Variants in VPS72 observed in about 807,000 individuals in gnomAD.
VPS72 encodes vacuolar protein sorting-associated protein 72 homolog.
In VPS72, 27 loss-of-function variants were observed where a neutral mutation model predicts 38.9. The observed-to-expected ratio is 0.69, with a 90% CI of 0.51 to 0.96. VPS72 has a LOEUF of 0.96. Ranked by LOEUF, VPS72 falls within the 40% of genes least tolerant of loss-of-function variation. The probability of loss-of-function intolerance (pLI) is 0.00; values close to 1 mark genes in which losing one functional copy is unlikely to be tolerated. For synonymous variants in VPS72, 173 were observed against 186.3 expected, an observed-to-expected ratio of 0.93 and a Z score of 0.58; for missense variants, 360 against 479.5, an observed-to-expected ratio of 0.75 and a Z score of 2.33.
At chr1:151,184,265 T>G (rs1481055245) in intron 4 of VPS72, 52 bp downstream of exon 4, 6 of 1,584,468 alleles carry the variant, frequency 3.8e-6, no homozygotes, top group Non-Finnish European at 5.2e-6. Flanking sequence ...CTCATGGTTT[T>G]TCTCATGCCC....
intron 4 of VPS72, among the ~76,000 whole-genome samples, chr1:151,180,181 T>G (rs1474691848): frequency 6.6e-6 from 1 of 150,950 alleles, no homozygotes; most frequent in Admixed American, 6.6e-5. Context: ...TAGCTGGGCG[T>G]GGTGGCTTGC....
At chr1:151,182,492 A>T (rs1684261490) in intron 4 of VPS72, among the ~76,000 whole-genome samples, 1 of 152,182 alleles carries the variant, frequency 6.6e-6, no homozygotes, top group Non-Finnish European at 1.5e-5. Context: ...ATAATTTCTA[A>T]TATCTTCGAA....
At chr1:151,179,058 G>C (rs1003943367) in intron 4 of VPS72, among the ~76,000 whole-genome samples, 1 of 152,060 alleles carries the variant, frequency 6.6e-6, no homozygotes, top group Admixed American at 6.6e-5. Flanking sequence ...GAGGTGGGTG[G>C]ATCACCTAAG....
chr1:151,186,944 C>T (rs1684364426), intron 1 of VPS72, among the ~76,000 whole-genome samples: 1 of 152,190 alleles, frequency 6.6e-6, no homozygotes, highest in African/African-American at 2.4e-5. Flanking sequence ...TTTTCCCTAC[C>T]ATTGATAATC....
At chr1:151,182,051 G>A (rs1684253247) in intron 4 of VPS72, among the ~76,000 whole-genome samples, 1 of 151,826 alleles carries the variant, frequency 6.6e-6, no homozygotes, top group African/African-American at 2.4e-5. Flanking sequence ...TTTTGAGACA[G>A]AGTTTCACTC....
Position 151,185,494 on chromosome 1 carries a change from A to G in VPS72, c.385+12T>C. Reference sequence around the variant, plus strand: ...TCCAATTTTGCCAATTGACCCTAACATCCCTACTCACTGTCAGAGCCGTCA... The same window carrying G: ...TCCAATTTTGCCAATTGACCCTAACGTCCCTACTCACTGTCAGAGCCGTCA... On this transcript the variant is annotated intron_variant, in intron 3 of 5. Transcript: ENST00000368892. 3.1e-6 allele frequency: 5 copies of G among 1,613,082 alleles called. No homozygotes were observed. The highest frequency in any genetic ancestry group is 3.4e-6 in the Non-Finnish European group (4 of 1,179,168).
intron 5 of VPS72, among the ~76,000 whole-genome samples, chr1:151,177,798 G>A (rs1020655218): frequency 6.6e-6 from 1 of 151,170 alleles, no homozygotes; most frequent in African/African-American, 2.4e-5. Context: ...AGCCGAGACT[G>A]CACCACTGCA....
At position 151,184,431 on chromosome 1, in the gene VPS72, C is replaced by G. The variant is rs766752983; in HGVS notation, c.448G>C (p.Glu150Gln). The stretch of plus-strand genomic sequence containing the variant: ...CGCCGTCTTGACTGGCCCTGCCTCT[C>G]CTGTACCCGAAGGAACGTTTGTCGT... ...HTRQTFLRVQ[E>Q]RQGQSRRRKG... The change falls in exon 4 of 6, where the codon GAG becomes CAG. Residue 150 changes from glutamate (E) to glutamine (Q), a missense_variant. Transcript: ENST00000368892. 1.4e-5 allele frequency: 23 copies of G among 1,613,944 alleles called. No homozygotes were observed. The Admixed American group carries it at 3.5e-4, about 25-fold the overall frequency.
Position 151,176,556 on chromosome 1 carries a change from T to C in VPS72, c.*88A>G, listed in dbSNP as rs1439708856. The C allele has an allele frequency of 1.3e-6, 2 of 1,527,316 alleles. No homozygotes were observed. The highest frequency in any genetic ancestry group is 1.8e-6 in the Non-Finnish European group (2 of 1,138,158). 94.6% of individuals were successfully genotyped at this position (1,527,316 alleles called of 1,614,324 possible). A position where few individuals can be genotyped will look rare whatever the true frequency, so the allele number is the denominator to read the frequency against. On this transcript the variant is annotated 3_prime_UTR_variant, in exon 6 of 6. Coordinates refer to ENST00000368892, the MANE Select transcript of VPS72 (RefSeq NM_005997.3). ...AAACAGATTAGGCAAAGATCAGAGA[T>C]GACAAAGGGGAGAAGCAGGGAGAAG...
chr1:151,176,673 C>G lies in VPS72; in HGVS notation c.1066G>C (p.Ala356Pro). The G allele has an allele frequency of 6.2e-7, 1 of 1,613,942 alleles. No individual in the cohort carries two copies. The change falls in exon 6 of 6, where the codon GCC becomes CCC. Residue 356 changes from alanine (A) to proline (P), a missense_variant. Physicochemically the swap from Ala to Pro is conservative, Grantham distance 27. Coordinates refer to ENST00000368892, the MANE Select transcript of VPS72 (RefSeq NM_005997.3). ...PEPLPGSGPRALRQKIVIK is the reference protein window; with the variant it reads ...PEPLPGSGPRPLRQKIVIK ...TTAATGACAATTTTCTGGCGCAAGGCTCGGGGCCCAGAGCCAGGGAGGGGC... is the reference window on the plus strand; with the variant it reads ...TTAATGACAATTTTCTGGCGCAAGGGTCGGGGCCCAGAGCCAGGGAGGGGC...
At chr1:151,181,789 A>G (rs1684245546) in intron 4 of VPS72, among the ~76,000 whole-genome samples, 1 of 152,324 alleles carries the variant, frequency 6.6e-6, no homozygotes, top group African/African-American at 2.4e-5. Context: ...TTCCAGCTGT[A>G]TCCTTAATGT....
rs755578652 is a variant in VPS72, at chr1:151,182,035, C to CT, written c.562+2281dup. On this transcript the variant is annotated intron_variant, in intron 4 of 5. Coordinates refer to ENST00000368892, the MANE Select transcript of VPS72 (RefSeq NM_005997.3). ...CACTCAGCTAAGCCACACTTTCTTTCTTTTTTTTTGAGACAGAGTTTCACT... is the reference window on the plus strand; with the variant it reads ...CACTCAGCTAAGCCACACTTTCTTTCTTTTTTTTTTGAGACAGAGTTTCACT... Among the ~76,000 whole-genome samples the CT allele has an allele frequency of 3.1e-4, 47 of 151,146 alleles. No individual in the cohort carries two copies. The South Asian group carries it at 9.4e-3, about 30-fold the overall frequency.
chr1:151,186,035 A>G (rs1572095850), intron 1 of VPS72, 85 bp from the exon 2 acceptor site: 2 of 1,522,258 alleles, frequency 1.3e-6, no homozygotes, highest in Admixed American at 3.7e-5. Flanking sequence ...GACTTTCTTG[A>G]TAAGGGCTGC....
Position 151,177,111 on chromosome 1 carries a change from G to A in VPS72, c.708-80C>T, listed in dbSNP as rs945568716. The A allele has an allele frequency of 1.1e-4, 153 of 1,430,306 alleles. 1 individual carries two copies. The highest frequency in any genetic ancestry group is 1.4e-4 in the Non-Finnish European group (149 of 1,078,662). The allele number at this position is 1,430,306 out of a possible 1,614,324, so 88.6% of individuals were successfully genotyped here. Reference sequence around the variant, plus strand: ...TACAGAAAGAAGGAAATCAGGCTGGGTGCAGTGGCTCACACCTGTAATTCC... The same window carrying A: ...TACAGAAAGAAGGAAATCAGGCTGGATGCAGTGGCTCACACCTGTAATTCC... On this transcript the variant is annotated intron_variant, in intron 5 of 5. Transcript: ENST00000368892.
At chr1:151,179,454 C>T (rs967767799) in intron 4 of VPS72, among the ~76,000 whole-genome samples, 4 of 151,996 alleles carry the variant, frequency 2.6e-5, no homozygotes, top group Non-Finnish European at 5.9e-5. Context: ...AAAAAATTAG[C>T]TGGACGTGGT....
In VPS72 at chr1:151,176,965, AG is replaced by A. The variant is rs760213998; in HGVS notation, c.773del (p.Pro258LeufsTer37). The A allele has an allele frequency of 3.1e-6, 5 of 1,608,812 alleles. No homozygotes were observed. Among genetic ancestry groups the A allele is most frequent in the South Asian group, 1.1e-5 (1 of 90,606 alleles). ...TGATGAAGGTACGTGAGCAGCGAGCAGGGGGGTTGACGGGTCCAGTCCCAGC... is the reference window on the plus strand; with the variant it reads ...TGATGAAGGTACGTGAGCAGCGAGCAGGGGGTTGACGGGTCCAGTCCCAGC... Reference protein sequence around the residue: ...PHAGTGPVNPPARCSRTFITF... With the variant: ...PHAGTGPVNPXARCSRTFITF... On this transcript the variant is annotated frameshift_variant, in exon 6 of 6. Transcript: ENST00000368892. LOFTEE classifies it high-confidence loss of function.
intron 4 of VPS72, among the ~76,000 whole-genome samples, chr1:151,181,590 A>C (rs1424504585): frequency 1.3e-5 from 2 of 151,990 alleles, no homozygotes; most frequent in African/African-American, 4.8e-5. Flanking sequence ...GTATCATTTC[A>C]ATCACTTCAG....
chr1:151,177,098 G>T (rs1684126964), intron 5 of VPS72, 67 bp from the exon 6 acceptor site: 2 of 1,469,290 alleles, frequency 1.4e-6, no homozygotes, highest in African/African-American at 2.8e-5. Flanking sequence ...CAGAAAGAAG[G>T]AAATCAGGCT....
intron 5 of VPS72, 82 bp from the exon 6 acceptor site, chr1:151,177,113 G>A (rs1684127582): frequency 7.0e-7 from 1 of 1,425,134 alleles, no homozygotes; most frequent in Non-Finnish European, 9.3e-7. Flanking sequence ...CAGGCTGGGT[G>A]CAGTGGCTCA....
Sources: gnomAD v4.1 joint callset for allele counts (sites outside exome capture counted in the v4.1 genomes callset) on GRCh38, gnomAD v4.1.1 for gene constraint, MANE v1.5 for transcripts, NCBI Gene and HGNC (gene_info 2026-07-23, HGNC 2026-07-21) for gene names.